LARGE1: variants seen among roughly 807,000 people sequenced by gnomAD.
LARGE1 encodes the protein LARGE xylosyl- and glucuronyltransferase 1.
LARGE1 carries 43 observed loss-of-function variants against 87.6 expected under a neutral mutation model. The ratio of observed to expected loss-of-function variants is 0.49; its 90% CI spans 0.38 to 0.63. The LOEUF (loss-of-function observed/expected upper bound fraction) is 0.63. Among genes scored for constraint, LARGE1 ranks in the 30% least tolerant of loss-of-function variants. LARGE1 has a pLI of 0.00. For missense variants in LARGE1, 802 were observed against 1,000.2 expected (o/e 0.80, Z 2.67); for synonymous variants, 434 against 394.6 (o/e 1.10, Z -1.18).
intron 6 of LARGE1, among the ~76,000 whole-genome samples, chr22:33,483,581 C>T (rs541235472): frequency 6.6e-6 from 1 of 152,202 alleles, no homozygotes; most frequent in Admixed American, 6.5e-5. Context: ...AGGAAAGAAA[C>T]AGGTGAGTGT....
At chr22:33,495,961 A>G (rs5994758) in intron 6 of LARGE1, among the ~76,000 whole-genome samples, 2,514 of 152,212 alleles carry the variant, frequency 0.017, 77 homozygotes, top group African/African-American at 0.057. Context: ...CAGAACTAAT[A>G]GGATAGATGC....
Position 33,316,194 on chromosome 22 carries a change from G to T in LARGE1, c.1342C>A (p.Arg448=). 1 of 1,614,006 alleles carries T rather than the reference G, an allele frequency of 6.2e-7. No homozygotes were observed. The highest frequency in any genetic ancestry group is 8.5e-7 in the Non-Finnish European group (1 of 1,179,964). ...DEDDLCYEFR[R]ERFTVHRTHL... ...GTGCGGTGGACAGTGAAGCGCTCTC[G>T]CCGGAACTCATAGCACAGGTCGTCC... Residue 448 remains arginine, a synonymous_variant, in exon 11 of 15, where the codon CGA becomes AGA. Transcript: ENST00000397394.
chr22:33,794,420 G>A (rs925258909), intron 1 of LARGE1, among the ~76,000 whole-genome samples: 11 of 152,270 alleles, frequency 7.2e-5, no homozygotes, highest in African/African-American at 1.2e-4. Flanking sequence ...AACTGCTCTC[G>A]AAGAGGAGCA....
intron 12 of LARGE1, among the ~76,000 whole-genome samples, chr22:33,303,807 T>TGG (rs1569032363): frequency 9.4e-5 from 11 of 117,460 alleles, no homozygotes; most frequent in African/African-American, 5.5e-4. Flanking sequence ...GTATTTTTAG[T>TGG]AGGGGGGGGG....
intron 6 of LARGE1, among the ~76,000 whole-genome samples, chr22:33,559,211 T>C (rs2010833): frequency 0.69 from 105,233 of 152,166 alleles, 37,001 homozygotes; most frequent in African/African-American, 0.81. Context: ...GACGCAGTCT[T>C]GCTCTTGTTG....
At chr22:33,876,663 G>A (rs897631208) in intron 1 of LARGE1, among the ~76,000 whole-genome samples, 1 of 151,602 alleles carries the variant, frequency 6.6e-6, no homozygotes, top group African/African-American at 2.4e-5. Context: ...GGGGGTGCGG[G>A]GCTAGGGGAG....
chr22:33,868,127 C>T (rs1164609947), intron 1 of LARGE1, among the ~76,000 whole-genome samples: 4 of 152,224 alleles, frequency 2.6e-5, no homozygotes, highest in South Asian at 2.1e-4. Context: ...CCAGCAACCT[C>T]GTCCATCTGC....
At chr22:33,695,997 G>T (rs2082232646) in intron 2 of LARGE1, among the ~76,000 whole-genome samples, 1 of 152,048 alleles carries the variant, frequency 6.6e-6, no homozygotes, top group African/African-American at 2.4e-5. Context: ...ATACTCTTTG[G>T]GTAAGCTTTC....
rs1283304760 is a variant in LARGE1, at chr22:33,386,289, G to C, written c.893-1985C>G. The stretch of plus-strand genomic sequence containing the variant: ...TCACTGTTCAAAAGTAGCTATGTCA[G>C]ATTCAAACTCAGATCTGCGTGATTC... On this transcript the variant is annotated intron_variant, in intron 7 of 14. Transcript: ENST00000397394. Among the ~76,000 whole-genome samples, 5 of 149,104 alleles carry C rather than the reference G, an allele frequency of 3.4e-5. 1 individual carries two copies. Among genetic ancestry groups the C allele is most frequent in the Non-Finnish European group, 7.5e-5 (5 of 66,646 alleles).
intron 11 of LARGE1, among the ~76,000 whole-genome samples, chr22:33,212,879 G>A (rs565403737): frequency 3.3e-4 from 50 of 152,076 alleles, no homozygotes; most frequent in African/African-American, 8.9e-4. Flanking sequence ...TTAGCTGGGC[G>A]TGGTGGTGGG....
intron 1 of LARGE1, among the ~76,000 whole-genome samples, chr22:33,805,508 C>T (rs531094917): frequency 7.9e-5 from 12 of 152,060 alleles, no homozygotes; most frequent in African/African-American, 2.4e-4. Flanking sequence ...CTCAGGCGGG[C>T]GGATCACCTG....
intron 6 of LARGE1, among the ~76,000 whole-genome samples, chr22:33,477,084 C>A (rs557801893): frequency 6.6e-6 from 1 of 152,108 alleles, no homozygotes. Flanking sequence ...AGCTGCGTGG[C>A]GGCTCACCGC....
intron 5 of LARGE1, among the ~76,000 whole-genome samples, chr22:33,582,850 G>C (rs2078561667): frequency 6.6e-6 from 1 of 152,240 alleles, no homozygotes; most frequent in African/African-American, 2.4e-5. Context: ...AAAAAGAAGA[G>C]GAGAGTGAAT....
At chr22:33,654,849 A>G (rs980357504) in intron 2 of LARGE1, among the ~76,000 whole-genome samples, 2 of 152,222 alleles carry the variant, frequency 1.3e-5, no homozygotes, top group Non-Finnish European at 2.9e-5. Flanking sequence ...GTGAAGAACC[A>G]GTTTTTCTCC....
intron 4 of LARGE1, among the ~76,000 whole-genome samples, chr22:33,618,977 C>T (rs1039976246): frequency 2.0e-5 from 3 of 152,194 alleles, no homozygotes; most frequent in African/African-American, 7.2e-5. Flanking sequence ...CATGCACTTC[C>T]TATTCTGAGC....
chr22:33,642,741 G>T (rs1239078792), intron 3 of LARGE1, among the ~76,000 whole-genome samples: 1 of 118,296 alleles, frequency 8.5e-6, no homozygotes, highest in Non-Finnish European at 1.7e-5. Context: ...AAAAAGGCAG[G>T]AGATGCAATC....
At chr22:33,537,193 C>T (rs1261599395) in intron 6 of LARGE1, among the ~76,000 whole-genome samples, 2 of 152,322 alleles carry the variant, frequency 1.3e-5, no homozygotes, top group Admixed American at 6.5e-5. Flanking sequence ...TGAAATCACA[C>T]GTTTGTTCTC....
intron 11 of LARGE1, among the ~76,000 whole-genome samples, chr22:33,252,257 C>A (rs560397522): frequency 1.4e-5 from 2 of 138,806 alleles, no homozygotes; most frequent in South Asian, 2.6e-4. Flanking sequence ...TCATTCCCCC[C>A]CCCCCCGCCA....
intron 3 of LARGE1, among the ~76,000 whole-genome samples, chr22:33,637,811 C>G (rs1441581979): frequency 3.9e-5 from 6 of 152,160 alleles, no homozygotes; most frequent in African/African-American, 9.7e-5. Flanking sequence ...AATCCCCAAC[C>G]AAGCTGCTCC....
Sources: gnomAD v4.1 joint callset for allele counts (sites outside exome capture counted in the v4.1 genomes callset) on GRCh38, gnomAD v4.1.1 for gene constraint, MANE v1.5 for transcripts, NCBI Gene and HGNC (gene_info 2026-07-23, HGNC 2026-07-21) for gene names.